Variants in NLRP13 observed in about 807,000 individuals in gnomAD.
The protein encoded by NLRP13 is NLR family pyrin domain containing 13.
NLRP13 carries 82 observed loss-of-function variants against 94.4 expected under a neutral mutation model. That is an observed-to-expected ratio of 0.87 (90% CI 0.73 to 1.04). The LOEUF (loss-of-function observed/expected upper bound fraction) is 1.04. NLRP13 is among the 50% of genes least tolerant of loss of function. The pLI is 0.00. For missense variants in NLRP13, 1,426 were observed against 1,230.8 expected, an observed-to-expected ratio of 1.16 and a Z score of -2.37; for synonymous variants, 553 against 464.7, an observed-to-expected ratio of 1.19 and a Z score of -2.45.
intron 1 of NLRP13, among the ~76,000 whole-genome samples, chr19:55,931,020 A>G (rs1437277515): frequency 6.6e-6 from 1 of 151,510 alleles, no homozygotes; most frequent in African/African-American, 2.4e-5. Flanking sequence ...GTAACACCTC[A>G]GCAGGTCTTG....
chr19:55,901,652 C>T (rs890714843), intron 9 of NLRP13, among the ~76,000 whole-genome samples: 1 of 152,136 alleles, frequency 6.6e-6, no homozygotes, highest in African/African-American at 2.4e-5. Context: ...TCATATCCCA[C>T]ATGTGATTGC....
intron 1 of NLRP13, among the ~76,000 whole-genome samples, chr19:55,929,481 T>C (rs1204185950): frequency 6.6e-6 from 1 of 152,162 alleles, no homozygotes; most frequent in African/African-American, 2.4e-5. Context: ...CGCAGGGACA[T>C]AGATGAAGCT....
At chr19:55,902,638 C>T (rs574459363) in intron 8 of NLRP13, among the ~76,000 whole-genome samples, 20 of 152,124 alleles carry the variant, frequency 1.3e-4, no homozygotes, top group South Asian at 4.2e-4. Flanking sequence ...AGTGAGCCCA[C>T]GAGCAGTGCA....
In NLRP13 at chr19:55,912,758, C is replaced by G; in HGVS notation, c.1059G>C (p.Leu353Phe). The change falls in exon 5 of 11, where the codon TTG becomes TTC. Residue 353 changes from leucine (L) to phenylalanine (F), a missense_variant. Physicochemically the swap from Leu to Phe is conservative, Grantham distance 22. Coordinates refer to ENST00000342929, the MANE Select transcript of NLRP13 (RefSeq NM_176810.2). ...TGATCAGTAAGGTAGCCAGGGGAAC[C>G]AATTCTTTCTTCAACAAGCTGTGTA... ...KILHSLLKKE[L>F]VPLATLLITI... The G allele has an allele frequency of 6.2e-7, 1 of 1,614,104 alleles. No individual in the cohort carries two copies. The highest frequency in any genetic ancestry group is 8.5e-7 in the Non-Finnish European group (1 of 1,180,010).
intron 8 of NLRP13, among the ~76,000 whole-genome samples, chr19:55,904,428 C>G (rs115939294): frequency 6.6e-6 from 1 of 152,126 alleles, no homozygotes; most frequent in Non-Finnish European, 1.5e-5. Context: ...TCTCCGCATA[C>G]GGCTGCCTCC....
At chr19:55,904,297 C>T (rs1986274022) in intron 8 of NLRP13, among the ~76,000 whole-genome samples, 1 of 152,188 alleles carries the variant, frequency 6.6e-6, no homozygotes, top group Middle Eastern at 3.4e-3. Context: ...CCATGTTGGT[C>T]AGGCTGGTCT....
At position 55,932,118 on chromosome 19, in the gene NLRP13, G is replaced by T. The variant is rs1030980043; in HGVS notation, c.194C>A (p.Pro65His). Residue 65 changes from proline (P) to histidine (H), a missense_variant, in exon 1 of 11, where the codon CCT becomes CAT. Coordinates refer to ENST00000342929, the MANE Select transcript of NLRP13 (RefSeq NM_176810.2). ...IPWANLRAAD[P>H]LNLSFLLDEH... ...ATCCAAAAGAAAGGACAGATTCAAA[G>T]GGTCGGCAGCTCTCAAGTTTGCCCA... 1 of 1,614,174 alleles carries T rather than the reference G, an allele frequency of 6.2e-7. No individual in the cohort carries two copies. Among genetic ancestry groups the T allele is most frequent in the South Asian group, 1.1e-5 (1 of 91,074 alleles).
intron 9 of NLRP13, among the ~76,000 whole-genome samples, chr19:55,900,953 A>G (rs1266706721): frequency 1.3e-5 from 2 of 151,820 alleles, no homozygotes; most frequent in African/African-American, 4.8e-5. Context: ...CTGGAAGAAT[A>G]ACAAATCCCT....
intron 9 of NLRP13, among the ~76,000 whole-genome samples, chr19:55,900,102 CTTAA>C (rs1222627008): frequency 2.6e-5 from 4 of 152,128 alleles, no homozygotes; most frequent in South Asian, 4.1e-4. Context: ...CATTAACTAA[CTTAA>C]TTATTCCACA....
At chr19:55,926,835 T>C (rs1037835159) in intron 1 of NLRP13, among the ~76,000 whole-genome samples, 1 of 152,182 alleles carries the variant, frequency 6.6e-6, no homozygotes, top group African/African-American at 2.4e-5. Flanking sequence ...TTTTAAACTT[T>C]TATGTATATA....
rs116232971 is a variant in NLRP13 at position 55,927,536 on chromosome 19, T to A, written c.320-2501A>T. On this transcript the variant is annotated intron_variant, in intron 1 of 10. Transcript: ENST00000342929. ...TGAAATAGATTCTTCCACTGCAAAT[T>A]CACAGACATATCCTTGGGTGGGGTA... Among the ~76,000 whole-genome samples, 1,184 of 151,746 alleles carry A rather than the reference T, an allele frequency of 7.8e-3. 17 individuals are homozygous for A. The highest frequency in any genetic ancestry group is 0.026 in the African/African-American group (1,055 of 41,348).
downstream of NLRP13, among the ~76,000 whole-genome samples, chr19:55,892,325 C>T (rs1347625550): frequency 1.3e-5 from 2 of 152,054 alleles, no homozygotes; most frequent in African/African-American, 2.4e-5. Context: ...TCCTACTCTC[C>T]TCCTCCTAGT....
At chr19:55,903,872 G>C (rs1037327623) in intron 8 of NLRP13, among the ~76,000 whole-genome samples, 1 of 152,022 alleles carries the variant, frequency 6.6e-6, no homozygotes, top group East Asian at 1.9e-4. Context: ...ATTTTTGTCC[G>C]GACTGTAGTC....
rs561754523 is a variant in NLRP13, at chr19:55,899,869, T to C, written c.2790-932A>G. Reference sequence around the variant, plus strand: ...AACTGCCAGGCTGATAAATGATACATGCAAATCAAAGACAGTCAGATTTCC... The same window carrying C: ...AACTGCCAGGCTGATAAATGATACACGCAAATCAAAGACAGTCAGATTTCC... On this transcript the variant is annotated intron_variant, in intron 9 of 10. Coordinates refer to ENST00000342929, the MANE Select transcript of NLRP13 (RefSeq NM_176810.2). Among the ~76,000 whole-genome samples, 3 of 151,930 alleles carry C rather than the reference T, an allele frequency of 2.0e-5. No individual in the cohort carries two copies. The South Asian group carries it at 6.2e-4, about 32-fold the overall frequency.
rs1986479191 is a variant in NLRP13 at position 55,910,582 on chromosome 19, A to G, written c.2263T>C (p.Cys755Arg). ...GLCLALKNPR[C>R]KVQKLTCKSV... is the part of the protein sequence containing the mutation. ...ACTTACGTCAGTTTCTGGACTTTGC[A>G]TCTTGGATTTTTCAGTGCAAGACAG... The change falls in exon 6 of 11, where the codon TGC (cysteine) becomes CGC (arginine). Residue 755 changes from cysteine (C) to arginine (R), a missense_variant. Transcript: ENST00000342929. 6.2e-7 allele frequency: 1 copy of G among 1,605,144 alleles called. No homozygotes were observed. Among genetic ancestry groups the G allele is most frequent in the Admixed American group, 1.7e-5 (1 of 59,524 alleles).
intron 1 of NLRP13, among the ~76,000 whole-genome samples, chr19:55,931,517 G>T (rs1987133160): frequency 2.0e-5 from 3 of 151,430 alleles, no homozygotes. Context: ...GACCATCCTG[G>T]CTAACACAGT....
chr19:55,892,182 T>A, downstream of NLRP13: 1 of 1,197,422 alleles, frequency 8.4e-7, no homozygotes, highest in Non-Finnish European at 1.0e-6. Context: ...TAATTTTTAA[T>A]TTTTAAGGTT....
At chr19:55,922,026 A>G (rs767422934) in intron 4 of NLRP13, among the ~76,000 whole-genome samples, 9 of 152,316 alleles carry the variant, frequency 5.9e-5, no homozygotes, top group Non-Finnish European at 1.2e-4. Flanking sequence ...GAGGCCTCGC[A>G]ATCATGGCAG....
In NLRP13 at chr19:55,932,143, A is replaced by G. The variant is rs745334957; in HGVS notation, c.169T>C (p.Trp57Arg). The G allele has an allele frequency of 1.9e-6, 3 of 1,614,070 alleles. No homozygotes were observed. The highest frequency in any genetic ancestry group is 1.6e-4 in the Middle Eastern group (1 of 6,080). ...APQGHFPRIP[W>R]ANLRAADPLN... ...GGGTCGGCAGCTCTCAAGTTTGCCC[A>G]GGGGATACGCGGGAAGTGCCCCTGG... The change falls in exon 1 of 11, where the codon TGG (tryptophan) becomes CGG (arginine). Residue 57 changes from tryptophan to arginine, a missense_variant. By Grantham distance (101) the Trp-to-Arg change is moderately radical. Coordinates refer to ENST00000342929, the MANE Select transcript of NLRP13 (RefSeq NM_176810.2).
Sources: allele counts gnomAD v4.1 joint callset (sites outside exome capture counted in the v4.1 genomes callset), GRCh38; gene constraint gnomAD v4.1.1; transcripts MANE v1.5; gene names NCBI Gene and HGNC (gene_info 2026-07-23, HGNC 2026-07-21).